ZNF793: variants seen among roughly 807,000 people sequenced by gnomAD.
ZNF793 encodes zinc finger protein 793.
Under a neutral mutation model 12.4 loss-of-function variants are expected in ZNF793, and 5 were observed. The observed-to-expected ratio is 0.40, with a 90% CI of 0.21 to 0.84. The LOEUF is 0.84. Among genes scored for constraint, ZNF793 ranks in the 40% least tolerant of loss-of-function variants. ZNF793 has a pLI of 0.35. For missense variants in ZNF793, 456 were observed against 495.0 expected (o/e 0.92, Z 0.75); for synonymous variants, 162 against 172.4 (o/e 0.94, Z 0.47).
At chr19:37,518,625 C>A (rs2042351543) in intron 2 of ZNF793, among the ~76,000 whole-genome samples, 1 of 112,084 alleles carries the variant, frequency 8.9e-6, no homozygotes, top group African/African-American at 4.9e-5. Flanking sequence ...GAAACCCTGT[C>A]TCTACAAAAA....
At chr19:37,529,441 A>G (rs1439797894) in intron 5 of ZNF793, among the ~76,000 whole-genome samples, 2 of 151,046 alleles carry the variant, frequency 1.3e-5, no homozygotes, top group African/African-American at 4.9e-5. Flanking sequence ...TTGAAAGTGC[A>G]TCTCTTGTAG....
rs749561480 is a variant in ZNF793 at position 37,537,010 on chromosome 19, A to G, written c.352A>G (p.Lys118Glu). The change falls in exon 8 of 8, where the codon AAG (lysine) becomes GAG (glutamate). Residue 118 changes from lysine (K) to glutamate (E), a missense_variant. Coordinates refer to ENST00000627814, the MANE Select transcript of ZNF793 (RefSeq NM_001013659.3). ...LPKEKSCEYNKFGKISLLSTD... is the reference protein window; with the variant it reads ...LPKEKSCEYNEFGKISLLSTD... ...CAAGGAGAAAAGCTGTGAATATAAT[A>G]AGTTTGGGAAAATATCACTTCTGAG... 4.3e-6 allele frequency: 7 copies of G among 1,613,974 alleles called. No individual in the cohort carries two copies. Among genetic ancestry groups the G allele is most frequent in the Non-Finnish European group, 5.9e-6 (7 of 1,179,872 alleles).
Position 37,538,124 on chromosome 19 carries a change from C to A in ZNF793, c.*245C>A. ...TAGAGACGGGGTTTCACCGTGTTAG[C>A]CAGGATGGTCTCGATCTCCTGACCT... On this transcript the variant is annotated 3_prime_UTR_variant, in exon 8 of 8. Coordinates refer to ENST00000627814, the MANE Select transcript of ZNF793 (RefSeq NM_001013659.3). The A allele has an allele frequency of 2.6e-6, 1 of 381,472 alleles. No homozygotes were observed. The highest frequency in any genetic ancestry group is 4.8e-6 in the Non-Finnish European group (1 of 210,206). 23.6% of individuals were successfully genotyped at this position (381,472 alleles called of 1,614,324 possible). A position where few individuals can be genotyped will look rare whatever the true frequency, so the allele number is the denominator to read the frequency against.
intron 4 of ZNF793, among the ~76,000 whole-genome samples, chr19:37,523,183 G>C (rs2042388606): frequency 6.6e-6 from 1 of 152,010 alleles, no homozygotes; most frequent in South Asian, 2.1e-4. Context: ...CACCATACCT[G>C]GCTAATTTTT....
Position 37,541,701 on chromosome 19 carries a change from A to G in ZNF793, c.*3822A>G, listed in dbSNP as rs939307065. 3 of 152,146 alleles carry G rather than the reference A, an allele frequency of 2.0e-5. No individual in the cohort carries two copies. Among genetic ancestry groups the G allele is most frequent in the Non-Finnish European group, 2.9e-5 (2 of 68,066 alleles). 9.4% of individuals were successfully genotyped at this position (152,146 alleles called of 1,614,324 possible). A position where few individuals can be genotyped will look rare whatever the true frequency, so the allele number is the denominator to read the frequency against. ...CTCAGAAAAAAAGAAAAAGAAAAAAAAAAGGAAACAAACATTTGACTACGT... is the reference window on the plus strand; with the variant it reads ...CTCAGAAAAAAAGAAAAAGAAAAAAGAAAGGAAACAAACATTTGACTACGT... On this transcript the variant is annotated 3_prime_UTR_variant, in exon 8 of 8. Coordinates refer to ENST00000627814, the MANE Select transcript of ZNF793 (RefSeq NM_001013659.3).
intron 5 of ZNF793, among the ~76,000 whole-genome samples, chr19:37,524,417 A>G (rs1282821750): frequency 6.6e-6 from 1 of 152,110 alleles, no homozygotes; most frequent in Admixed American, 6.6e-5. Context: ...ACATTTGGGT[A>G]ATTTTCAGAC....
chr19:37,539,707 A>C lies in ZNF793; in HGVS notation c.*1828A>C, dbSNP rs1284537785. The C allele has an allele frequency of 1.3e-5, 2 of 152,188 alleles. No homozygotes were observed. Among genetic ancestry groups the C allele is most frequent in the South Asian group, 2.1e-4 (1 of 4,832 alleles). 9.4% of individuals were successfully genotyped at this position (152,188 alleles called of 1,614,324 possible). A position where few individuals can be genotyped will look rare whatever the true frequency, so the allele number is the denominator to read the frequency against. ...AATCAACATATTTTTTAAAAAGAGG[A>C]GGTGGATGCTTTTCTAATAAACTTA... On this transcript the variant is annotated 3_prime_UTR_variant, in exon 8 of 8. Transcript: ENST00000627814.
chr19:37,519,205 G>C (rs1057285397), intron 2 of ZNF793, among the ~76,000 whole-genome samples: 1 of 152,172 alleles, frequency 6.6e-6, no homozygotes, highest in Non-Finnish European at 1.5e-5. Context: ...GGCAGAGCTT[G>C]TAGTGAGCTG....
chr19:37,534,643 T>C (rs2042489963), intron 7 of ZNF793: 1 of 152,160 alleles, frequency 6.6e-6, no homozygotes, highest in Non-Finnish European at 1.5e-5. Context: ...TTTGTTGATT[T>C]TTTTTCTTCT....
chr19:37,533,179 G>T, intron 6 of ZNF793, 129 bp from the exon 7 acceptor site: 1 of 691,420 alleles, frequency 1.4e-6, no homozygotes, highest in South Asian at 1.9e-5. Context: ...ATCCCATTTG[G>T]TTCTGGACAA....
intron 5 of ZNF793, among the ~76,000 whole-genome samples, chr19:37,525,033 A>T (rs891711861): frequency 6.6e-6 from 1 of 152,208 alleles, no homozygotes; most frequent in African/African-American, 2.4e-5. Context: ...AAGCTGTAGG[A>T]AGTCCTAACT....
Position 37,542,403 on chromosome 19 carries a change from A to G in ZNF793, c.*4524A>G. The G allele has an allele frequency of 2.7e-6, 1 of 367,376 alleles. No individual in the cohort carries two copies. Among genetic ancestry groups the G allele is most frequent in the Non-Finnish European group, 5.4e-6 (1 of 185,934 alleles). 22.8% of individuals were successfully genotyped at this position (367,376 alleles called of 1,614,324 possible). A position where few individuals can be genotyped will look rare whatever the true frequency, so the allele number is the denominator to read the frequency against. ...GCAAAAAGATTCCATCTCAAAAGAA[A>G]AGAAAAGAAATCTGTTAATATTATT... On this transcript the variant is annotated 3_prime_UTR_variant, in exon 8 of 8. Coordinates refer to ENST00000627814, the MANE Select transcript of ZNF793 (RefSeq NM_001013659.3).
At position 37,540,570 on chromosome 19, in the gene ZNF793, T is replaced by C. The variant is rs2042545640; in HGVS notation, c.*2691T>C. 1 of 151,496 alleles carries C rather than the reference T, an allele frequency of 6.6e-6. No homozygotes were observed. Among genetic ancestry groups the C allele is most frequent in the Non-Finnish European group, 1.5e-5 (1 of 67,832 alleles). The allele number at this position is 151,496 out of a possible 1,614,324, so 9.4% of individuals were successfully genotyped here. A position where few individuals can be genotyped will look rare whatever the true frequency, so the allele number is the denominator to read the frequency against. ...AGCGGTTTTTCTTAAAAAAAATTTTTTTTAACCCAAACCCCAAAGCATATA... is the reference window on the plus strand; with the variant it reads ...AGCGGTTTTTCTTAAAAAAAATTTTCTTTAACCCAAACCCCAAAGCATATA... On this transcript the variant is annotated 3_prime_UTR_variant, in exon 8 of 8. Transcript: ENST00000627814.
chr19:37,517,740 G>C lies in ZNF793; in HGVS notation c.-275-2444G>C, dbSNP rs572304897. 2.1e-3 allele frequency among the ~76,000 whole-genome samples: 312 copies of C among 152,140 alleles called. 2 individuals are homozygous for C. Among genetic ancestry groups the C allele is most frequent in the Non-Finnish European group, 3.5e-3 (241 of 68,006 alleles). ...GCACAGTGCCTAAGTTGAGATCAGG[G>C]CTCAATAACTACAAGCTAGGTTTTT... On this transcript the variant is annotated intron_variant, in intron 2 of 7. Transcript: ENST00000627814.
intron 6 of ZNF793, among the ~76,000 whole-genome samples, chr19:37,532,878 T>A (rs1442180388): frequency 6.6e-6 from 1 of 152,208 alleles, no homozygotes; most frequent in Non-Finnish European, 1.5e-5. Context: ...AATATTTATT[T>A]AATAATTATC....
chr19:37,527,839 C>A (rs966695028), intron 5 of ZNF793, among the ~76,000 whole-genome samples: 11 of 152,170 alleles, frequency 7.2e-5, no homozygotes, highest in African/African-American at 2.7e-4. Flanking sequence ...TCAACCAAGG[C>A]CCTGTGCAGT....
intron 5 of ZNF793, among the ~76,000 whole-genome samples, chr19:37,530,394 C>T (rs999217370): frequency 1.3e-5 from 2 of 152,238 alleles, no homozygotes; most frequent in Middle Eastern, 3.4e-3. Context: ...TCCCTTCCCA[C>T]GAGGCCGTAT....
chr19:37,537,729 T>G lies in ZNF793; in HGVS notation c.1071T>G (p.His357Gln). 1 of 1,613,952 alleles carries G rather than the reference T, an allele frequency of 6.2e-7. No homozygotes were observed. Among genetic ancestry groups the G allele is most frequent in the African/African-American group, 1.3e-5 (1 of 74,990 alleles). ...SFSQKSCLNK[H>Q]WRTHTGEKPY... ...GCCAGAAGTCATGCCTCAATAAACA[T>G]TGGAGAACTCACACAGGAGAGAAGC... The change falls in exon 8 of 8, where the codon CAT (histidine) becomes CAG (glutamine). Residue 357 changes from histidine (H) to glutamine (Q), a missense_variant. Physicochemically the swap from His to Gln is conservative, Grantham distance 24 (BLOSUM62 0). Coordinates refer to ENST00000627814, the MANE Select transcript of ZNF793 (RefSeq NM_001013659.3).
At chr19:37,532,204 G>A (rs2042467146) in intron 5 of ZNF793, 152 bp from the exon 6 acceptor site, 1 of 764,784 alleles carries the variant, frequency 1.3e-6, no homozygotes, top group South Asian at 1.7e-5. Flanking sequence ...AGTATAGACG[G>A]GGTTTCACCA....
Sources: allele counts gnomAD v4.1 joint callset (sites outside exome capture counted in the v4.1 genomes callset), GRCh38; gene constraint gnomAD v4.1.1; transcripts MANE v1.5; gene names NCBI Gene and HGNC (gene_info 2026-07-23, HGNC 2026-07-21).